PPP1R12B: variants seen among roughly 807,000 people sequenced by gnomAD.
The protein encoded by PPP1R12B is protein phosphatase 1 regulatory subunit 12B.
A neutral mutation model predicts 126.1 loss-of-function variants in PPP1R12B; 76 were observed. That is an observed-to-expected ratio of 0.60 (90% CI 0.50 to 0.73). The LOEUF is 0.73. PPP1R12B is among the 30% of genes least tolerant of loss of function. The pLI is 0.00. For missense variants in PPP1R12B, 1,052 were observed against 1,205.1 expected, an observed-to-expected ratio of 0.87 and a Z score of 1.88; for synonymous variants, 356 against 434.7, an observed-to-expected ratio of 0.82 and a Z score of 2.25.
In PPP1R12B at chr1:202,452,327, C is replaced by G. The variant is rs562642666; in HGVS notation, c.1850+3156C>G. On this transcript the variant is annotated intron_variant, in intron 13 of 23. Coordinates refer to ENST00000608999, the MANE Select transcript of PPP1R12B (RefSeq NM_002481.4). ...CCTCGGGAGGCCAAGGCTGGCGGAT[C>G]ACTCGCGGTTAGGAGCTGGAGACCA... is the stretch of plus-strand genomic sequence containing the variant. Among the ~76,000 whole-genome samples the G allele has an allele frequency of 7.9e-5, 12 of 152,326 alleles. No homozygotes were observed. In the South Asian group the frequency reaches 1.9e-3, roughly 24 times the overall value.
chr1:202,357,342 G>A (rs188187498), intron 1 of PPP1R12B, among the ~76,000 whole-genome samples: 152 of 152,260 alleles, frequency 1.0e-3, no homozygotes, highest in African/African-American at 3.5e-3. Flanking sequence ...AAGACTGTTG[G>A]ATTTGGTCAT....
intron 18 of PPP1R12B, among the ~76,000 whole-genome samples, chr1:202,539,683 G>C (rs1189054574): frequency 6.6e-6 from 1 of 152,150 alleles, no homozygotes; most frequent in Non-Finnish European, 1.5e-5. Flanking sequence ...TCTTCCCTCT[G>C]GATAAAGTGA....
chr1:202,547,319 G>A (rs577456554), intron 18 of PPP1R12B, among the ~76,000 whole-genome samples: 1 of 152,228 alleles, frequency 6.6e-6, no homozygotes, highest in South Asian at 2.1e-4. Flanking sequence ...TTTCTTTTAA[G>A]CCTCTTTTTT....
rs904402163 is a variant in PPP1R12B, at chr1:202,581,508, T to G, written c.*948T>G. 2 of 152,244 alleles carry G rather than the reference T, an allele frequency of 1.3e-5. No individual in the cohort carries two copies. The highest frequency in any genetic ancestry group is 2.4e-5 in the African/African-American group (1 of 41,460). The allele number at this position is 152,244 out of a possible 1,614,324, so 9.4% of individuals were successfully genotyped here. On this transcript the variant is annotated 3_prime_UTR_variant, in exon 24 of 24. Coordinates refer to ENST00000608999, the MANE Select transcript of PPP1R12B (RefSeq NM_002481.4). ...AAGTGATTTTCTTTATAAGAAAATT[T>G]GGGCTCTGAATACTCCATTCTGCCT...
chr1:202,366,901 G>A (rs564073986), intron 1 of PPP1R12B, among the ~76,000 whole-genome samples: 3 of 152,150 alleles, frequency 2.0e-5, no homozygotes, highest in African/African-American at 7.2e-5. Flanking sequence ...GCTATTTCAT[G>A]GAGTCACTGT....
intron 18 of PPP1R12B, among the ~76,000 whole-genome samples, chr1:202,529,786 A>G (rs1683737287): frequency 6.6e-6 from 1 of 152,218 alleles, no homozygotes; most frequent in South Asian, 2.1e-4. Flanking sequence ...ATCTTTGAGA[A>G]CTAAATGGAT....
chr1:202,432,893 GC>G, intron 8 of PPP1R12B, among the ~76,000 whole-genome samples: 1 of 152,130 alleles, frequency 6.6e-6, no homozygotes, highest in East Asian at 1.9e-4. Context: ...CTGTTGTCTG[GC>G]CACCAGCTCC....
At chr1:202,371,863 T>TTC (rs1327440306) in intron 1 of PPP1R12B, among the ~76,000 whole-genome samples, 37 of 142,362 alleles carry the variant, frequency 2.6e-4, no homozygotes, top group African/African-American at 8.7e-4. Flanking sequence ...AGTTTCTTTT[T>TTC]TTTTTTTTTT....
rs56752885 is a variant in PPP1R12B at position 202,555,325 on chromosome 1, GAAAAAAAAAAA to G, written c.2491-3534_2491-3524del. On this transcript the variant is annotated intron_variant, in intron 18 of 23. Coordinates refer to ENST00000608999, the MANE Select transcript of PPP1R12B (RefSeq NM_002481.4). ...AAAACCCTAATTTTCCTGTTTTAATGAAAAAAAAAAAAAAAAAAAAAAAAAAAAGCTTGTTT... is the reference window on the plus strand; with the variant it reads ...AAAACCCTAATTTTCCTGTTTTAATGAAAAAAAAAAAAAAAAAGCTTGTTT... Among the ~76,000 whole-genome samples the G allele has an allele frequency of 7.1e-4, 18 of 25,354 alleles. No homozygotes were observed. The East Asian group carries it at 8.6e-3, about 12-fold the overall frequency. 16.6% of individuals were successfully genotyped at this position (25,354 alleles called of 152,430 possible).
intron 1 of PPP1R12B, among the ~76,000 whole-genome samples, chr1:202,387,944 T>G (rs1034044892): frequency 6.6e-6 from 1 of 152,176 alleles, no homozygotes; most frequent in Non-Finnish European, 1.5e-5. Context: ...AGTTATGGGA[T>G]AGACTAGCCA....
At chr1:202,388,854 T>A (rs1038618747) in intron 1 of PPP1R12B, among the ~76,000 whole-genome samples, 6 of 152,172 alleles carry the variant, frequency 3.9e-5, no homozygotes, top group African/African-American at 1.4e-4. Flanking sequence ...TCCCTCAAAA[T>A]TCAATGAGGT....
At chr1:202,428,647 ACT>A (rs1669847159) in intron 5 of PPP1R12B, 2 of 523,122 alleles carry the variant, frequency 3.8e-6, no homozygotes, top group South Asian at 2.6e-5. Flanking sequence ...TGTTGTACAA[ACT>A]CTATATTTAA....
chr1:202,445,057 G>A (rs2148705426), intron 12 of PPP1R12B: 2 of 1,247,286 alleles, frequency 1.6e-6, no homozygotes, highest in South Asian at 8.2e-5. Flanking sequence ...GCTTCATTTG[G>A]TAGAAGTAGT....
intron 23 of PPP1R12B, chr1:202,575,038 C>A: frequency 6.2e-7 from 1 of 1,613,484 alleles, no homozygotes; most frequent in Non-Finnish European, 8.5e-7. Flanking sequence ...AACCTTGAAG[C>A]AGATGAACGA....
chr1:202,372,741 T>G (rs905595523), intron 1 of PPP1R12B, among the ~76,000 whole-genome samples: 3 of 151,558 alleles, frequency 2.0e-5, no homozygotes, highest in African/African-American at 7.3e-5. Flanking sequence ...CTGCTGCACT[T>G]CAGCCTGGGC....
At chr1:202,560,605 T>C (rs1687416133) in intron 19 of PPP1R12B, among the ~76,000 whole-genome samples, 1 of 152,214 alleles carries the variant, frequency 6.6e-6, no homozygotes, top group South Asian at 2.1e-4. Flanking sequence ...AGCCAGCTTC[T>C]TCACTGCCAC....
intron 1 of PPP1R12B, among the ~76,000 whole-genome samples, chr1:202,411,916 C>T (rs570700190): frequency 6.6e-6 from 1 of 152,286 alleles, no homozygotes; most frequent in African/African-American, 2.4e-5. Context: ...CCTCCCACCT[C>T]GGCCTCTCAA....
At chr1:202,455,922 A>G (rs1435561393) in intron 13 of PPP1R12B, among the ~76,000 whole-genome samples, 1 of 152,214 alleles carries the variant, frequency 6.6e-6, no homozygotes, top group African/African-American at 2.4e-5. Context: ...AGAAAGGCTC[A>G]TGAGAGAGAA....
At chr1:202,556,545 GA>G (rs528226179) in intron 18 of PPP1R12B, among the ~76,000 whole-genome samples, 7 of 151,008 alleles carry the variant, frequency 4.6e-5, no homozygotes, top group Admixed American at 2.6e-4. Flanking sequence ...TTTGTTATCA[GA>G]AAAAAAAATG....
Sources: allele counts gnomAD v4.1 joint callset (sites outside exome capture counted in the v4.1 genomes callset), GRCh38; gene constraint gnomAD v4.1.1; transcripts MANE v1.5; gene names NCBI Gene and HGNC (gene_info 2026-07-23, HGNC 2026-07-21).